The following VIRMA variants were observed in gnomAD, a reference collection of about 807,000 sequenced individuals.
VIRMA encodes protein virilizer homolog.
Under a neutral mutation model 182.4 loss-of-function variants are expected in VIRMA, and 65 were observed. The ratio of observed to expected loss-of-function variants is 0.36; its 90% CI spans 0.29 to 0.44. The LOEUF (loss-of-function observed/expected upper bound fraction) is 0.44. VIRMA is among the 20% of genes least tolerant of loss of function. VIRMA has a pLI of 1.00. For missense variants in VIRMA, 1,752 were observed against 2,158.1 expected (o/e 0.81, Z 3.73); for synonymous variants, 709 against 743.1 (o/e 0.95, Z 0.75).
rs547886364 is a variant in VIRMA, at chr8:94,510,330, C to T, written c.3626+87G>A. On this transcript the variant is annotated intron_variant, in intron 14 of 23. Transcript: ENST00000297591. The stretch of plus-strand genomic sequence containing the variant: ...ATGTATATATGTTATCTGGGCATTC[C>T]AAACCCTAGTTTCCAAATTGTAAGG... The T allele has an allele frequency of 8.8e-6, 9 of 1,021,998 alleles. No homozygotes were observed. The South Asian group carries it at 1.2e-4, about 14-fold the overall frequency. 63.3% of individuals were successfully genotyped at this position (1,021,998 alleles called of 1,614,324 possible).
chr8:94,506,613 G>A lies in VIRMA; in HGVS notation c.3984C>T (p.Asp1328=). 6.2e-7 allele frequency: 1 copy of A among 1,613,612 alleles called. No individual in the cohort carries two copies. Among genetic ancestry groups the A allele is most frequent in the East Asian group, 2.2e-5 (1 of 44,848 alleles). ...PNKELMTSIC[D]CLLATLANSE... is the part of the protein sequence containing the mutation. ...AGTTAGCTAGCGTAGCCAACAGACA[G>A]TCACAGATTGAGGTCATCAATTCTT... Residue 1328 remains aspartate (D), a synonymous_variant, in exon 16 of 24, where the codon GAC becomes GAT. Transcript: ENST00000297591.
At chr8:94,516,132 T>C (rs1176925827) in intron 10 of VIRMA, among the ~76,000 whole-genome samples, 3 of 151,968 alleles carry the variant, frequency 2.0e-5, no homozygotes, top group Non-Finnish European at 4.4e-5. Flanking sequence ...ACCTACAAAA[T>C]AGACTGCTTA....
intron 6 of VIRMA, 147 bp from the exon 7 acceptor site, chr8:94,529,489 AT>A (rs1421419431): frequency 4.9e-6 from 3 of 606,248 alleles, no homozygotes; most frequent in Non-Finnish European, 5.8e-6. Context: ...TGTTTAAAAA[AT>A]ATTGAGTATA....
Position 94,526,280 on chromosome 8 carries a change from G to A in VIRMA, c.1964C>T (p.Thr655Met), listed in dbSNP as rs1339121045. The A allele has an allele frequency of 4.3e-6, 7 of 1,613,968 alleles. No individual in the cohort carries two copies. Among genetic ancestry groups the A allele is most frequent in the Admixed American group, 3.3e-5 (2 of 60,014 alleles). Residue 655 changes from threonine (T) to methionine (M), a missense_variant, in exon 8 of 24, where the codon ACG becomes ATG. This residue lies in a region of VIRMA where 401 missense variants were observed against 455.1 expected (regional missense o/e 0.88). Coordinates refer to ENST00000297591, the MANE Select transcript of VIRMA (RefSeq NM_015496.5). ...MIQQPVKSFP[T>M]MARITGPPER... ...TGGAGGTCCAGTAATTCGTGCCATC[G>A]TTGGGAAAGACTTAACAGGTTGTTG...
intron 1 of VIRMA, among the ~76,000 whole-genome samples, chr8:94,546,044 G>A (rs1318544763): frequency 1.3e-5 from 2 of 149,808 alleles, no homozygotes; most frequent in Non-Finnish European, 1.5e-5. Flanking sequence ...GCAACAAAGC[G>A]AGACTCTGTC....
At chr8:94,515,069 T>C (rs943083460) in intron 10 of VIRMA, 118 bp from the exon 11 acceptor site, 1 of 520,688 alleles carries the variant, frequency 1.9e-6, no homozygotes, top group Non-Finnish European at 3.3e-6. Flanking sequence ...TCATCTAAAC[T>C]TCATGCAGGG....
chr8:94,552,296 T>G (rs1816017134), intron 1 of VIRMA, among the ~76,000 whole-genome samples: 1 of 152,236 alleles, frequency 6.6e-6, no homozygotes, highest in South Asian at 2.1e-4. Context: ...AAGTAAAGCA[T>G]TATGATACAA....
intron 1 of VIRMA, among the ~76,000 whole-genome samples, chr8:94,550,290 A>ATTTTTTTTTTTTTTTTTTTTT (rs11356608): frequency 7.0e-6 from 1 of 143,096 alleles, no homozygotes; most frequent in African/African-American, 2.6e-5. Flanking sequence ...TCTCTGAACC[A>ATTTTTTTTTTTTTTTTTTTTT]TTTTTTTTTT....
rs756074657 is a variant in VIRMA, at chr8:94,490,071, G to A, written c.5152C>T (p.Arg1718Cys). The A allele has an allele frequency of 9.3e-6, 15 of 1,610,354 alleles. No homozygotes were observed. The highest frequency in any genetic ancestry group is 1.3e-5 in the African/African-American group (1 of 74,678). ...TPPASKGNYS[R>C]REGTRGSSWS... The stretch of plus-strand genomic sequence containing the variant: ...CTGGAGCCTCTTGTTCCTTCCCGAC[G>A]ACTGTAGTTTCCTAAACACAAACAG... The change falls in exon 23 of 24, where the codon CGT becomes TGT. Residue 1718 changes from arginine (R) to cysteine (C), a missense_variant. Physicochemically the swap from Arg to Cys is radical, Grantham distance 180 (BLOSUM62 -3). Around this residue, in one of 11 missense-constraint regions of VIRMA, gnomAD observed 132 missense variants for 173.8 expected, o/e 0.76. Transcript: ENST00000297591.
At chr8:94,506,799 T>A in intron 15 of VIRMA, 82 bp from the exon 16 acceptor site, 1 of 736,436 alleles carries the variant, frequency 1.4e-6, no homozygotes, top group Non-Finnish European at 2.3e-6. Context: ...ACATAGCAAT[T>A]AATATTCAAT....
chr8:94,526,339 A>C lies in VIRMA; in HGVS notation c.1905T>G (p.Phe635Leu). 1 of 1,614,076 alleles carries C rather than the reference A, an allele frequency of 6.2e-7. No homozygotes were observed. ...TATGAGGGGCAGTTTCCATTAAATG[A>C]AAAACTTCTTCTAGGAGGTTAATAA... ...ERLINLLEEV[F>L]HLMETAPHTM... The change falls in exon 8 of 24, where the codon TTT (phenylalanine) becomes TTG (leucine). Residue 635 changes from phenylalanine (F) to leucine (L), a missense_variant. Transcript: ENST00000297591.
intron 16 of VIRMA, among the ~76,000 whole-genome samples, chr8:94,500,066 A>C (rs1053640494): frequency 6.6e-6 from 1 of 151,378 alleles, no homozygotes; most frequent in Non-Finnish European, 1.5e-5. Flanking sequence ...AAAAAAAAAA[A>C]AAAAAAAACT....
intron 4 of VIRMA, 57 bp downstream of exon 4, chr8:94,537,046 T>G: frequency 1.8e-6 from 2 of 1,123,412 alleles, no homozygotes; most frequent in Non-Finnish European, 2.7e-6. Context: ...TCAAAAACTT[T>G]AAATGGAGTT....
intron 1 of VIRMA, among the ~76,000 whole-genome samples, chr8:94,547,605 A>G (rs1220920015): frequency 1.3e-5 from 2 of 151,002 alleles, no homozygotes; most frequent in African/African-American, 2.5e-5. Flanking sequence ...ATTTTCCAGT[A>G]TCGACCTAGT....
intron 15 of VIRMA, among the ~76,000 whole-genome samples, chr8:94,507,600 C>A (rs1007375281): frequency 2.6e-5 from 4 of 151,672 alleles, no homozygotes; most frequent in Admixed American, 6.6e-5. Flanking sequence ...ACCAAAAATA[C>A]AAAAATTAGC....
chr8:94,495,023 A>ATTT (rs2130262476), intron 19 of VIRMA, 67 bp from the exon 20 acceptor site: 1 of 974,694 alleles, frequency 1.0e-6, no homozygotes, highest in Admixed American at 1.8e-5. Flanking sequence ...TTTTTTTTTG[A>ATTT]GACACAGTCT....
chr8:94,491,276 C>T (rs992730654), intron 22 of VIRMA, among the ~76,000 whole-genome samples: 2 of 150,782 alleles, frequency 1.3e-5, no homozygotes, highest in Non-Finnish European at 3.0e-5. Context: ...ATCACACCAC[C>T]GCACCCCAGC....
In VIRMA at chr8:94,494,916, T is replaced by G; in HGVS notation, c.4585A>C (p.Lys1529Gln). Residue 1529 changes from lysine to glutamine, a missense_variant, in exon 20 of 24, where the codon AAA (lysine) becomes CAA (glutamine). By Grantham distance (53) the Lys-to-Gln change is moderately conservative. Around this residue, in one of 11 missense-constraint regions of VIRMA, gnomAD observed 777 missense variants for 920.6 expected, o/e 0.84. Coordinates refer to ENST00000297591, the MANE Select transcript of VIRMA (RefSeq NM_015496.5). ...VLADVMDDQL[K>Q]SMWFTPFQAE... Reference sequence around the variant, plus strand: ...TGAAATGGAGTGAACCACATAGATTTCAACTGATCATCCATGACATCAGCA... The same window carrying G: ...TGAAATGGAGTGAACCACATAGATTGCAACTGATCATCCATGACATCAGCA... 6.2e-7 allele frequency: 1 copy of G among 1,612,266 alleles called. No homozygotes were observed. Among genetic ancestry groups the G allele is most frequent in the Non-Finnish European group, 8.5e-7 (1 of 1,178,446 alleles).
At chr8:94,504,776 T>C (rs955249425) in intron 16 of VIRMA, among the ~76,000 whole-genome samples, 4 of 152,038 alleles carry the variant, frequency 2.6e-5, no homozygotes, top group African/African-American at 7.2e-5. Flanking sequence ...CAGGACTTAA[T>C]GAGATGCCAT....
Sources: gnomAD v4.1 joint callset for allele counts (sites outside exome capture counted in the v4.1 genomes callset) on GRCh38, gnomAD v4.1.1 for gene constraint, gnomAD v4.1.1 regional missense constraint, MANE v1.5 for transcripts, NCBI Gene and HGNC (gene_info 2026-07-23, HGNC 2026-07-21) for gene names.